Variants in DCAF6 observed in about 807,000 individuals in gnomAD.
The protein encoded by DCAF6 is DDB1- and CUL4-associated factor 6.
In DCAF6, 54 loss-of-function variants were observed where a neutral mutation model predicts 125.1. The observed-to-expected ratio is 0.43, with a 90% CI of 0.35 to 0.54. The LOEUF (loss-of-function observed/expected upper bound fraction) is 0.54, where lower values mean the gene tolerates loss of function less well. Ranked by LOEUF, DCAF6 falls within the 20% of genes least tolerant of loss-of-function variation. DCAF6 has a pLI of 0.01. For synonymous variants in DCAF6, 371 were observed against 390.4 expected, an observed-to-expected ratio of 0.95 and a Z score of 0.58; for missense variants, 934 against 1,161.7, an observed-to-expected ratio of 0.80 and a Z score of 2.85.
At chr1:167,968,438 A>T (rs182579754) in intron 3 of DCAF6, 1 of 152,306 alleles carries the variant, frequency 6.6e-6, no homozygotes, top group Non-Finnish European at 1.5e-5. Flanking sequence ...ATGTCATGCT[A>T]GTGTAACTTG....
At chr1:167,952,131 G>T (rs1235232125) in intron 2 of DCAF6, among the ~76,000 whole-genome samples, 1 of 152,062 alleles carries the variant, frequency 6.6e-6, no homozygotes, top group African/African-American at 2.4e-5. Context: ...TCCAAATGTG[G>T]TGTTCACTTC....
chr1:167,903,171 G>A, the DCAF6 span, among the ~76,000 whole-genome samples: 2 of 152,072 alleles, frequency 1.3e-5, no homozygotes, highest in South Asian at 4.1e-4. Context: ...CAGGAGAATC[G>A]CTTGAACCTG....
chr1:167,875,976 G>T, the DCAF6 span, among the ~76,000 whole-genome samples: 1 of 151,964 alleles, frequency 6.6e-6, no homozygotes, highest in Non-Finnish European at 1.5e-5. Context: ...AGGACTACTG[G>T]CCAGGCACGG....
chr1:168,031,186 TAGAA>T (rs1291287551), intron 12 of DCAF6, among the ~76,000 whole-genome samples: 1 of 151,686 alleles, frequency 6.6e-6, no homozygotes, highest in Non-Finnish European at 1.5e-5. Context: ...AGGATGAAAG[TAGAA>T]AGAAGAGGAC....
intron 10 of DCAF6, among the ~76,000 whole-genome samples, chr1:168,012,390 GA>G (rs1463156172): frequency 6.6e-6 from 1 of 152,168 alleles, no homozygotes; most frequent in Non-Finnish European, 1.5e-5. Flanking sequence ...TTGAGGAGAT[GA>G]CAAAGTACAA....
intron 12 of DCAF6, among the ~76,000 whole-genome samples, chr1:168,025,422 T>C (rs1686210108): frequency 6.6e-6 from 1 of 152,124 alleles, no homozygotes; most frequent in Admixed American, 6.5e-5. Context: ...GTAAGTAGAG[T>C]TGCTATGTAA....
At chr1:167,924,590 C>G in the DCAF6 span, 2 of 1,285,060 alleles carry the variant, frequency 1.6e-6, no homozygotes, top group South Asian at 1.6e-5. Context: ...ATATTATACA[C>G]GTCTTTTAAC....
the DCAF6 span, among the ~76,000 whole-genome samples, chr1:167,872,348 A>G: frequency 1.4e-5 from 2 of 145,788 alleles, no homozygotes; most frequent in African/African-American, 5.2e-5. Flanking sequence ...CAAAAAAAAT[A>G]AAGTTTCCTA....
chr1:167,952,723 C>G (rs1674160345), intron 2 of DCAF6, among the ~76,000 whole-genome samples: 1 of 152,164 alleles, frequency 6.6e-6, no homozygotes, highest in Non-Finnish European at 1.5e-5. Flanking sequence ...ATGACCCTAT[C>G]TAGTCCCATG....
upstream of DCAF6, among the ~76,000 whole-genome samples, chr1:167,931,179 G>C (rs141447306): frequency 6.6e-6 from 1 of 152,180 alleles, no homozygotes; most frequent in Admixed American, 6.5e-5. Context: ...TGATCCACAC[G>C]CCTCGGCCTC....
upstream of DCAF6, chr1:167,936,078 C>T: frequency 1.8e-6 from 1 of 568,824 alleles, no homozygotes; most frequent in Non-Finnish European, 3.2e-6. Flanking sequence ...CGCCTCCGGC[C>T]CCCGGCAGGA....
intron 12 of DCAF6, among the ~76,000 whole-genome samples, chr1:168,036,107 A>T (rs1452222354): frequency 6.6e-6 from 1 of 152,170 alleles, no homozygotes; most frequent in East Asian, 1.9e-4. Flanking sequence ...TGTAGTAGAT[A>T]CTGTAGGAAG....
intron 5 of DCAF6, 83 bp from the exon 6 acceptor site, chr1:167,991,121 A>G (rs2103007097): frequency 1.7e-6 from 2 of 1,204,416 alleles, no homozygotes; most frequent in African/African-American, 3.1e-5. Flanking sequence ...GGTTATTCTA[A>G]TTACTAATGA....
chr1:167,868,937 A>G, the DCAF6 span, among the ~76,000 whole-genome samples: 1 of 152,202 alleles, frequency 6.6e-6, no homozygotes, highest in African/African-American at 2.4e-5. Context: ...GCCCGGCAAG[A>G]AACTCAGATA....
chr1:167,903,870 C>A, the DCAF6 span: 1 of 1,566,700 alleles, frequency 6.4e-7, no homozygotes, highest in Non-Finnish European at 8.8e-7. Flanking sequence ...AAGCCAGAAA[C>A]CTATGGGAAC....
chr1:167,872,071 G>A, the DCAF6 span, among the ~76,000 whole-genome samples: 1 of 152,126 alleles, frequency 6.6e-6, no homozygotes, highest in African/African-American at 2.4e-5. Flanking sequence ...GCTGGGAGCG[G>A]TGGCTCACGC....
rs1172544956 is a variant in DCAF6 at position 168,075,658 on chromosome 1, A to G, written c.*223A>G. ...ATGTTTTTAAAACTTTTTGCCGTGT[A>G]TGAGGAGTGCTAGAAAATGCAAAGT... is the stretch of plus-strand genomic sequence containing the variant. On this transcript the variant is annotated 3_prime_UTR_variant, in exon 22 of 22. Coordinates refer to ENST00000367840, the MANE Select transcript of DCAF6 (RefSeq NM_001198956.2). The G allele has an allele frequency of 4.6e-6, 2 of 435,814 alleles. No individual in the cohort carries two copies. The highest frequency in any genetic ancestry group is 4.0e-6 in the Non-Finnish European group (1 of 248,496). The allele number at this position is 435,814 out of a possible 1,614,324, so 27.0% of individuals were successfully genotyped here.
upstream of DCAF6, among the ~76,000 whole-genome samples, chr1:167,930,953 T>C (rs1478154019): frequency 6.6e-6 from 1 of 152,222 alleles, no homozygotes; most frequent in Non-Finnish European, 1.5e-5. Flanking sequence ...TCAAGGATGA[T>C]AATCTGCTCT....
intron 10 of DCAF6, among the ~76,000 whole-genome samples, chr1:168,011,070 GC>G (rs1684209675): frequency 6.7e-6 from 1 of 149,862 alleles, no homozygotes; most frequent in African/African-American, 2.5e-5. Context: ...AAGCTTCCCT[GC>G]CCTGTGTTTT....
Sources: allele counts gnomAD v4.1 joint callset (sites outside exome capture counted in the v4.1 genomes callset), GRCh38; gene constraint gnomAD v4.1.1; transcripts MANE v1.5; gene names NCBI Gene and HGNC (gene_info 2026-07-23, HGNC 2026-07-21).